CDH12: variants seen among roughly 807,000 people sequenced by gnomAD.
CDH12 encodes cadherin-12.
Under a neutral mutation model 74.1 loss-of-function variants are expected in CDH12, and 41 were observed. That is an observed-to-expected ratio of 0.55 (90% CI 0.43 to 0.72). CDH12 has a LOEUF of 0.72. CDH12 is among the 30% of genes least tolerant of loss of function. The pLI is 0.00. For missense variants in CDH12, 945 were observed against 977.2 expected (o/e 0.97, Z 0.44); for synonymous variants, 399 against 355.0 (o/e 1.12, Z -1.39).
intron 1 of CDH12, among the ~76,000 whole-genome samples, chr5:22,584,590 C>T (rs1740280325): frequency 6.6e-6 from 1 of 152,026 alleles, no homozygotes; most frequent in Non-Finnish European, 1.5e-5. Context: ...TATTTCTGTG[C>T]ATATGTGCAT....
chr5:22,424,632 G>T (rs1336952195), intron 2 of CDH12, among the ~76,000 whole-genome samples: 1 of 152,112 alleles, frequency 6.6e-6, no homozygotes, highest in Non-Finnish European at 1.5e-5. Flanking sequence ...GATACACATG[G>T]TATGTTCCCT....
At chr5:22,349,151 C>T (rs895794480) in intron 3 of CDH12, among the ~76,000 whole-genome samples, 2 of 152,124 alleles carry the variant, frequency 1.3e-5, no homozygotes, top group East Asian at 3.9e-4. Context: ...TGAGGCCTCA[C>T]CAGACACCAA....
At chr5:22,262,600 G>A (rs910601480) in intron 3 of CDH12, among the ~76,000 whole-genome samples, 1 of 150,960 alleles carries the variant, frequency 6.6e-6, no homozygotes, top group African/African-American at 2.4e-5. Flanking sequence ...CTTTATAGCA[G>A]CATGATTTAT....
rs138384569 is a variant in CDH12 at position 22,831,441 on chromosome 5, G to A, written c.-523+21617C>T. Among the ~76,000 whole-genome samples, 743 of 151,482 alleles carry A rather than the reference G, an allele frequency of 4.9e-3. 4 individuals are homozygous for A. Among genetic ancestry groups the A allele is most frequent in the African/African-American group, 0.017 (716 of 41,240 alleles). ...AAGTACAAGACAGAGCATGGTGAGT[G>A]TTATGTCTAGGTCTTTAAACTTTAT... On this transcript the variant is annotated intron_variant, in intron 1 of 14. Transcript: ENST00000382254.
chr5:22,094,935 C>T lies in CDH12; in HGVS notation c.-186-16073G>A, dbSNP rs113267502. 2.2e-3 allele frequency among the ~76,000 whole-genome samples: 338 copies of T among 152,298 alleles called. 6 individuals are homozygous for T. Among genetic ancestry groups the T allele is most frequent in the South Asian group, 1.9e-3 (9 of 4,824 alleles). ...ATTTACCTACCCAAACCTTATAAAACGGGCCCACCCCTATCTCCCTTTGCT... is the reference window on the plus strand; with the variant it reads ...ATTTACCTACCCAAACCTTATAAAATGGGCCCACCCCTATCTCCCTTTGCT... On this transcript the variant is annotated intron_variant, in intron 4 of 14. Coordinates refer to ENST00000382254, the MANE Select transcript of CDH12 (RefSeq NM_004061.5).
At chr5:21,824,841 A>G (rs1318099437) in intron 8 of CDH12, among the ~76,000 whole-genome samples, 2 of 152,088 alleles carry the variant, frequency 1.3e-5, no homozygotes, top group Non-Finnish European at 2.9e-5. Context: ...CACACTCTAC[A>G]AAACATGCTT....
intron 1 of CDH12, among the ~76,000 whole-genome samples, chr5:22,652,388 T>C (rs543133035): frequency 4.6e-5 from 7 of 152,268 alleles, no homozygotes; most frequent in African/African-American, 1.7e-4. Context: ...GGACTTAGCA[T>C]GTCACCAGAA....
At chr5:22,163,870 G>A (rs1244791089) in intron 4 of CDH12, among the ~76,000 whole-genome samples, 3 of 152,104 alleles carry the variant, frequency 2.0e-5, no homozygotes, top group Non-Finnish European at 4.4e-5. Flanking sequence ...TCTCTTTCAG[G>A]TAATAGATGA....
chr5:22,192,642 A>G (rs1162892684), intron 4 of CDH12, among the ~76,000 whole-genome samples: 3 of 151,896 alleles, frequency 2.0e-5, no homozygotes, highest in Non-Finnish European at 2.9e-5. Flanking sequence ...AATTATTCAC[A>G]GTGACTGAAA....
At chr5:22,203,320 C>T (rs1484620187) in intron 4 of CDH12, among the ~76,000 whole-genome samples, 3 of 152,144 alleles carry the variant, frequency 2.0e-5, no homozygotes, top group Non-Finnish European at 4.4e-5. Context: ...TTTTCAGATA[C>T]CGCATTTGAG....
intron 2 of CDH12, among the ~76,000 whole-genome samples, chr5:22,446,812 T>C (rs1337752940): frequency 1.3e-5 from 2 of 152,132 alleles, no homozygotes; most frequent in Admixed American, 1.3e-4. Flanking sequence ...TCTGAAAATA[T>C]TTTTTCAAAT....
intron 1 of CDH12, among the ~76,000 whole-genome samples, chr5:22,736,425 A>G (rs2127010935): frequency 6.6e-6 from 1 of 151,894 alleles, no homozygotes; most frequent in Admixed American, 6.6e-5. Context: ...AATTGTATTT[A>G]GTTTTGCTGT....
intron 3 of CDH12, among the ~76,000 whole-genome samples, chr5:22,379,952 T>C (rs1741690151): frequency 6.6e-6 from 1 of 152,022 alleles, no homozygotes; most frequent in Admixed American, 6.6e-5. Flanking sequence ...AGAGACAAGG[T>C]CTCTCTATTT....
chr5:21,757,090 A>G (rs1744440468), intron 13 of CDH12, among the ~76,000 whole-genome samples: 1 of 152,200 alleles, frequency 6.6e-6, no homozygotes, highest in Non-Finnish European at 1.5e-5. Context: ...GTGTGTCTGC[A>G]CTTGGGAGAA....
intron 1 of CDH12, among the ~76,000 whole-genome samples, chr5:22,609,237 T>G (rs553716295): frequency 6.6e-6 from 1 of 152,328 alleles, no homozygotes; most frequent in Admixed American, 6.5e-5. Context: ...CCCTCTCAAC[T>G]ACTTGTTTAT....
chr5:22,735,098 T>G (rs539317212), intron 1 of CDH12, among the ~76,000 whole-genome samples: 27 of 152,034 alleles, frequency 1.8e-4, no homozygotes, highest in African/African-American at 6.5e-4. Context: ...TGTGTGACCT[T>G]GAAGAAATAT....
rs147217426 is a variant in CDH12, at chr5:22,477,636, C to A, written c.-428+27634G>T. Among the ~76,000 whole-genome samples the A allele has an allele frequency of 2.7e-3, 409 of 152,258 alleles. 3 individuals carry two copies. The highest frequency in any genetic ancestry group is 9.2e-3 in the African/African-American group (383 of 41,560). On this transcript the variant is annotated intron_variant, in intron 2 of 14. Transcript: ENST00000382254. Reference sequence around the variant, plus strand: ...TTGCTGGGTCAAATGGTACTTCTATCTTTAGGTCTTTGAGGAGCCACTACA... The same window carrying A: ...TTGCTGGGTCAAATGGTACTTCTATATTTAGGTCTTTGAGGAGCCACTACA...
chr5:22,758,247 T>C (rs1257768455), intron 1 of CDH12, among the ~76,000 whole-genome samples: 2 of 152,142 alleles, frequency 1.3e-5, no homozygotes, highest in East Asian at 3.9e-4. Context: ...TATAGAGTTT[T>C]GTTGTTGTTG....
intron 1 of CDH12, among the ~76,000 whole-genome samples, chr5:22,727,728 G>A (rs530208440): frequency 1.3e-5 from 2 of 151,586 alleles, no homozygotes; most frequent in African/African-American, 4.8e-5. Context: ...ATTCTAGGTT[G>A]ACTTTTTTTT....
Sources: allele counts gnomAD v4.1 joint callset (sites outside exome capture counted in the v4.1 genomes callset), GRCh38; gene constraint gnomAD v4.1.1; transcripts MANE v1.5; gene names NCBI Gene and HGNC (gene_info 2026-07-23, HGNC 2026-07-21).